Variants in ADK observed in about 807,000 individuals in gnomAD.
The protein encoded by ADK is N6,N6-dimethyladenosine kinase.
In ADK, 24 loss-of-function variants were observed where a neutral mutation model predicts 44.7. The ratio of observed to expected loss-of-function variants is 0.54; its 90% CI spans 0.39 to 0.76. ADK has a LOEUF of 0.76. Among genes scored for constraint, ADK ranks in the 30% least tolerant of loss-of-function variants. The probability of loss-of-function intolerance (pLI) is 0.00; values close to 1 mark genes in which losing one functional copy is unlikely to be tolerated. For missense variants in ADK, 321 were observed against 425.1 expected, an observed-to-expected ratio of 0.76 and a Z score of 2.15; for synonymous variants, 128 against 142.6, an observed-to-expected ratio of 0.90 and a Z score of 0.73.
At chr10:74,299,110 G>A (rs1007437470) in intron 3 of ADK, among the ~76,000 whole-genome samples, 4 of 152,206 alleles carry the variant, frequency 2.6e-5, no homozygotes, top group South Asian at 2.1e-4. Context: ...ATCTGCAGAC[G>A]TGAATATTTT....
intron 7 of ADK, among the ~76,000 whole-genome samples, chr10:74,574,590 T>G (rs1211580519): frequency 6.6e-6 from 1 of 152,204 alleles, no homozygotes; most frequent in Non-Finnish European, 1.5e-5. Flanking sequence ...AAAATACAAC[T>G]GTAATTAAAG....
intron 6 of ADK, among the ~76,000 whole-genome samples, chr10:74,492,502 A>G (rs1847525391): frequency 6.6e-6 from 1 of 152,218 alleles, no homozygotes; most frequent in Admixed American, 6.5e-5. Context: ...GACTGTTATA[A>G]AGGCAATAAA....
In ADK at chr10:74,325,052, G is replaced by A. The variant is rs777332766; in HGVS notation, c.273+10307G>A. On this transcript the variant is annotated intron_variant, in intron 4 of 10. Coordinates refer to ENST00000539909, the MANE Select transcript of ADK (RefSeq NM_006721.4). ...TGAAGATTATCATTGTCATTTGAGA[G>A]GGTTTACTTTGAATCTGTAGATCAC... is the stretch of plus-strand genomic sequence containing the variant. Among the ~76,000 whole-genome samples, 158 of 152,178 alleles carry A rather than the reference G, an allele frequency of 1.0e-3. 2 individuals carry two copies. Among genetic ancestry groups the A allele is most frequent in the Non-Finnish European group, 3.8e-4 (26 of 67,988 alleles).
intron 1 of ADK, chr10:74,176,609 A>C (rs1842346875): frequency 2.2e-6 from 3 of 1,383,190 alleles, no homozygotes; most frequent in Non-Finnish European, 2.8e-6. Context: ...CCCGCGCGCC[A>C]GTGAGCTGGC....
chr10:74,704,088 A>G (rs188579474), intron 10 of ADK, among the ~76,000 whole-genome samples: 55 of 152,362 alleles, frequency 3.6e-4, no homozygotes, highest in Admixed American at 1.4e-3. Flanking sequence ...AGACACAAAA[A>G]GACAAATATT....
intron 6 of ADK, among the ~76,000 whole-genome samples, chr10:74,483,525 C>A (rs988870047): frequency 6.6e-6 from 1 of 152,130 alleles, no homozygotes; most frequent in Non-Finnish European, 1.5e-5. Flanking sequence ...TAAATTCCTG[C>A]CCAGAAAATT....
At chr10:74,692,413 A>G (rs574844534) in intron 10 of ADK, among the ~76,000 whole-genome samples, 45 of 152,346 alleles carry the variant, frequency 3.0e-4, no homozygotes, top group South Asian at 1.0e-3. Flanking sequence ...CAGGAGGCGA[A>G]GGTTGCAGTG....
chr10:74,316,217 G>A (rs974401653), intron 4 of ADK, among the ~76,000 whole-genome samples: 2 of 151,416 alleles, frequency 1.3e-5, no homozygotes, highest in East Asian at 3.9e-4. Context: ...TCCAGCCTGG[G>A]CAACAGAGTG....
chr10:74,526,203 T>A (rs1247451681), intron 7 of ADK, among the ~76,000 whole-genome samples: 1 of 152,042 alleles, frequency 6.6e-6, no homozygotes, highest in Non-Finnish European at 1.5e-5. Flanking sequence ...ATAATATTTT[T>A]AAAATATTGT....
chr10:74,539,656 G>A (rs956528948), intron 7 of ADK, among the ~76,000 whole-genome samples: 1 of 151,940 alleles, frequency 6.6e-6, no homozygotes, highest in African/African-American at 2.4e-5. Flanking sequence ...TCAAGGAATT[G>A]GGAAAGAAAC....
intron 6 of ADK, among the ~76,000 whole-genome samples, chr10:74,451,092 T>TTTA (rs1845760774): frequency 6.8e-6 from 1 of 147,436 alleles, no homozygotes; most frequent in Non-Finnish European, 1.5e-5. Context: ...TTTTTTTTTT[T>TTTA]GTAGTTAGAT....
intron 4 of ADK, among the ~76,000 whole-genome samples, chr10:74,362,731 A>G (rs1842374584): frequency 6.6e-6 from 1 of 152,164 alleles, no homozygotes; most frequent in African/African-American, 2.4e-5. Flanking sequence ...CTGACTTACT[A>G]TTGCATTCTC....
At chr10:74,514,694 G>A (rs1291850274) in intron 6 of ADK, among the ~76,000 whole-genome samples, 2 of 151,728 alleles carry the variant, frequency 1.3e-5, no homozygotes, top group Admixed American at 6.6e-5. Context: ...GTATTCTCTT[G>A]TATCTTATTG....
intron 7 of ADK, among the ~76,000 whole-genome samples, chr10:74,558,825 A>G (rs1850356941): frequency 1.3e-5 from 2 of 152,208 alleles, no homozygotes; most frequent in African/African-American, 2.4e-5. Flanking sequence ...GCTTCAAAAG[A>G]AATCAACCCT....
chr10:74,184,378 G>GCC (rs1842671159), intron 1 of ADK, among the ~76,000 whole-genome samples: 1 of 152,030 alleles, frequency 6.6e-6, no homozygotes, highest in Non-Finnish European at 1.5e-5. Context: ...CTGCCCAGCT[G>GCC]GAGTGCAGTA....
intron 7 of ADK, among the ~76,000 whole-genome samples, chr10:74,562,498 T>A (rs1268586204): frequency 6.6e-6 from 1 of 152,182 alleles, no homozygotes; most frequent in African/African-American, 2.4e-5. Context: ...CATATTTCCT[T>A]CAAGGATAGT....
At chr10:74,331,515 G>T (rs1263320354) in intron 4 of ADK, among the ~76,000 whole-genome samples, 3 of 152,064 alleles carry the variant, frequency 2.0e-5, no homozygotes, top group African/African-American at 7.2e-5. Context: ...ACGGAGTTTT[G>T]CCTTTTTACC....
intron 10 of ADK, among the ~76,000 whole-genome samples, chr10:74,680,014 C>G (rs1398885838): frequency 6.7e-6 from 1 of 150,334 alleles, no homozygotes; most frequent in Non-Finnish European, 1.5e-5. Flanking sequence ...TCTATACTTA[C>G]TGTAAACAGA....
chr10:74,308,621 A>G (rs868486108), intron 3 of ADK, among the ~76,000 whole-genome samples: 6 of 152,232 alleles, frequency 3.9e-5, no homozygotes, highest in Non-Finnish European at 5.9e-5. Context: ...GAGAAGTTTA[A>G]GGAATAACTT....
Sources: allele counts gnomAD v4.1 joint callset (sites outside exome capture counted in the v4.1 genomes callset), GRCh38; gene constraint gnomAD v4.1.1; transcripts MANE v1.5; gene names NCBI Gene and HGNC (gene_info 2026-07-23, HGNC 2026-07-21).